The following EPHA6 variants were observed in gnomAD, a reference collection of about 807,000 sequenced individuals.
EPHA6 encodes the protein EPH receptor A6.
A neutral mutation model predicts 112.0 loss-of-function variants in EPHA6; 50 were observed. The observed-to-expected ratio is 0.45, with a 90% CI of 0.36 to 0.56. The LOEUF is 0.56. Ranked by LOEUF, EPHA6 falls within the 20% of genes least tolerant of loss-of-function variation. The pLI is 0.00. For synonymous variants in EPHA6, 529 were observed against 490.7 expected (o/e 1.08, Z -1.03); for missense variants, 1,280 against 1,417.4 (o/e 0.90, Z 1.56).
At chr3:97,611,805 C>G (rs755141876) in intron 13 of EPHA6, among the ~76,000 whole-genome samples, 1 of 151,764 alleles carries the variant, frequency 6.6e-6, no homozygotes, top group African/African-American at 2.4e-5. Flanking sequence ...CACTTCACTT[C>G]GTTTTTTGCC....
At chr3:96,988,850 T>C (rs2043114706) in intron 3 of EPHA6, among the ~76,000 whole-genome samples, 1 of 152,164 alleles carries the variant, frequency 6.6e-6, no homozygotes, top group Non-Finnish European at 1.5e-5. Context: ...ATACCTATAA[T>C]TTTCGTGATG....
rs2033456587 is a variant in EPHA6 at position 96,823,801 on chromosome 3, A to G, written c.385+8793A>G. Among the ~76,000 whole-genome samples, 4 of 151,834 alleles carry G rather than the reference A, an allele frequency of 2.6e-5. 1 individual carries two copies. The South Asian group carries it at 8.3e-4, about 31-fold the overall frequency. ...AGAGAAGTTCATTGTCACCTAGGCT[A>G]TTTCATGTGTTCAATTTAATGAGGG... On this transcript the variant is annotated intron_variant, in intron 1 of 17. Coordinates refer to ENST00000389672, the MANE Select transcript of EPHA6 (RefSeq NM_001080448.3).
chr3:97,534,029 T>C (rs919087201), intron 11 of EPHA6, among the ~76,000 whole-genome samples: 5 of 152,136 alleles, frequency 3.3e-5, no homozygotes, highest in African/African-American at 9.7e-5. Flanking sequence ...TTTCAGATGG[T>C]TTGTTGCACA....
chr3:96,944,894 C>T (rs764546412), intron 2 of EPHA6, among the ~76,000 whole-genome samples: 25 of 152,116 alleles, frequency 1.6e-4, no homozygotes, highest in Non-Finnish European at 2.8e-4. Flanking sequence ...GAGCCAATAT[C>T]GTGCCACTGC....
intron 2 of EPHA6, among the ~76,000 whole-genome samples, chr3:96,898,412 G>A (rs1373606618): frequency 1.3e-5 from 2 of 152,054 alleles, no homozygotes; most frequent in African/African-American, 2.4e-5. Flanking sequence ...ATAGTTTTAC[G>A]ACCTCAGCAA....
At chr3:97,418,716 G>C (rs1333705447) in intron 6 of EPHA6, among the ~76,000 whole-genome samples, 1 of 152,038 alleles carries the variant, frequency 6.6e-6, no homozygotes, top group East Asian at 1.9e-4. Context: ...CAAAACGATA[G>C]TATAAGAAGC....
At chr3:97,037,338 T>G (rs535114597) in intron 3 of EPHA6, among the ~76,000 whole-genome samples, 7 of 152,042 alleles carry the variant, frequency 4.6e-5, no homozygotes, top group Admixed American at 1.3e-4. Flanking sequence ...AAACTTAGGG[T>G]AGTCAAGAAA....
chr3:97,566,529 T>C (rs1187552377), intron 11 of EPHA6, among the ~76,000 whole-genome samples: 4 of 152,246 alleles, frequency 2.6e-5, no homozygotes, highest in African/African-American at 9.6e-5. Context: ...TTGGAAAATA[T>C]TGACTTGAAG....
chr3:97,712,696 G>A (rs955446340), intron 14 of EPHA6, among the ~76,000 whole-genome samples: 3 of 152,170 alleles, frequency 2.0e-5, no homozygotes, highest in South Asian at 2.1e-4. Context: ...GAAATAGATG[G>A]CAATGAATTA....
intron 3 of EPHA6, among the ~76,000 whole-genome samples, chr3:97,150,510 C>T (rs2076146403): frequency 2.0e-5 from 3 of 152,070 alleles, no homozygotes; most frequent in Admixed American, 1.3e-4. Context: ...ATTCTGCAAG[C>T]TCAGGGTTCC....
chr3:97,595,905 T>C (rs1044983351), intron 12 of EPHA6, among the ~76,000 whole-genome samples: 4 of 139,212 alleles, frequency 2.9e-5, no homozygotes, highest in Admixed American at 2.1e-4. Flanking sequence ...ATATTCTCTT[T>C]TTTTTTTTTT....
chr3:97,246,955 A>G (rs2079003948), intron 5 of EPHA6, among the ~76,000 whole-genome samples: 1 of 152,018 alleles, frequency 6.6e-6, no homozygotes, highest in African/African-American at 2.4e-5. Flanking sequence ...TGTTCAATTT[A>G]AAAAGAATTT....
intron 11 of EPHA6, chr3:97,570,010 C>G (rs897330288): frequency 6.6e-6 from 1 of 152,134 alleles, no homozygotes; most frequent in African/African-American, 2.4e-5. Context: ...ACAAATTTCT[C>G]ACGTGTAGAA....
chr3:96,922,113 C>G (rs2039795716), intron 2 of EPHA6, among the ~76,000 whole-genome samples: 1 of 152,004 alleles, frequency 6.6e-6, no homozygotes, highest in Admixed American at 6.6e-5. Context: ...AAAATATTAG[C>G]TATTGTACCA....
chr3:97,330,915 C>G (rs969937211), intron 5 of EPHA6, among the ~76,000 whole-genome samples: 1 of 152,254 alleles, frequency 6.6e-6, no homozygotes, highest in African/African-American at 2.4e-5. Flanking sequence ...TTCTACAGAA[C>G]TCTCCACCCC....
chr3:97,124,376 T>C (rs1367371282), intron 3 of EPHA6, among the ~76,000 whole-genome samples: 1 of 151,918 alleles, frequency 6.6e-6, no homozygotes, highest in East Asian at 1.9e-4. Context: ...TTAAGGATTT[T>C]GCATTTTTAA....
intron 6 of EPHA6, among the ~76,000 whole-genome samples, chr3:97,444,914 G>C (rs2090279134): frequency 6.6e-6 from 1 of 152,040 alleles, no homozygotes; most frequent in Non-Finnish European, 1.5e-5. Context: ...TCCCAGAAAA[G>C]CCTTGATTCT....
At chr3:97,367,699 A>G (rs142758957) in intron 5 of EPHA6, among the ~76,000 whole-genome samples, 36 of 151,744 alleles carry the variant, frequency 2.4e-4, no homozygotes, top group African/African-American at 8.5e-4. Flanking sequence ...TGAATATACT[A>G]TTTCATATTT....
At chr3:96,985,445 T>G (rs1172638567) in intron 2 of EPHA6, among the ~76,000 whole-genome samples, 1 of 152,140 alleles carries the variant, frequency 6.6e-6, no homozygotes, top group East Asian at 1.9e-4. Flanking sequence ...CACAGTTATA[T>G]TTAGAATGAT....
Sources: allele counts gnomAD v4.1 joint callset (sites outside exome capture counted in the v4.1 genomes callset), GRCh38; gene constraint gnomAD v4.1.1; transcripts MANE v1.5; gene names NCBI Gene and HGNC (gene_info 2026-07-23, HGNC 2026-07-21).